CREB5: variants seen among roughly 807,000 people sequenced by gnomAD.
CREB5 encodes cyclic AMP-responsive element-binding protein 5.
Under a neutral mutation model 57.1 loss-of-function variants are expected in CREB5, and 19 were observed. The observed-to-expected ratio is 0.33, with a 90% CI of 0.23 to 0.49. CREB5 has a LOEUF of 0.49. Ranked by LOEUF, CREB5 falls within the 20% of genes least tolerant of loss-of-function variation. The pLI, the probability that CREB5 is intolerant of heterozygous loss-of-function variation, is 0.99. For synonymous variants in CREB5, 238 were observed against 238.3 expected (o/e 1.00, Z 0.01); for missense variants, 579 against 671.6 (o/e 0.86, Z 1.52).
At chr7:28,736,152 A>G (rs1288376627) in intron 7 of CREB5, among the ~76,000 whole-genome samples, 1 of 151,796 alleles carries the variant, frequency 6.6e-6, no homozygotes, top group Non-Finnish European at 1.5e-5. Flanking sequence ...ACAAAGCACT[A>G]TATGGTTTTT....
At chr7:28,765,921 G>A (rs1805947218) in intron 7 of CREB5, among the ~76,000 whole-genome samples, 1 of 152,166 alleles carries the variant, frequency 6.6e-6, no homozygotes, top group African/African-American at 2.4e-5. Flanking sequence ...TTAATATCAA[G>A]TTGTCACTGA....
intron 4 of CREB5, among the ~76,000 whole-genome samples, chr7:28,560,929 C>CGTGTGTGTGTGCGT (rs1425241012): frequency 6.6e-5 from 2 of 30,424 alleles, no homozygotes; most frequent in Admixed American, 3.4e-4. Flanking sequence ...TGTGCGCGTG[C>CGTGTGTGTGTGCGT]GTGTGTGCGT....
At chr7:28,479,063 C>T (rs1432375932) in intron 1 of CREB5, among the ~76,000 whole-genome samples, 10 of 152,204 alleles carry the variant, frequency 6.6e-5, no homozygotes, top group Admixed American at 3.3e-4. Context: ...TGGGGACGCA[C>T]TTAGTCCCTT....
intron 5 of CREB5, among the ~76,000 whole-genome samples, chr7:28,592,201 G>A (rs929422895): frequency 6.6e-6 from 1 of 152,082 alleles, no homozygotes; most frequent in Non-Finnish European, 1.5e-5. Flanking sequence ...GTTTTAATTC[G>A]GTAACCTAAT....
chr7:28,406,638 G>A (rs1356493083), intron 1 of CREB5, among the ~76,000 whole-genome samples: 3 of 152,244 alleles, frequency 2.0e-5, no homozygotes, highest in Non-Finnish European at 4.4e-5. Flanking sequence ...ACCCCAGGGG[G>A]CAAATGCCCC....
At chr7:28,662,196 G>C (rs1241229857) in intron 5 of CREB5, among the ~76,000 whole-genome samples, 4 of 152,168 alleles carry the variant, frequency 2.6e-5, no homozygotes, top group Non-Finnish European at 5.9e-5. Context: ...TGATCTAATG[G>C]GTTGAAATGG....
intron 1 of CREB5, among the ~76,000 whole-genome samples, chr7:28,468,784 T>G (rs1790691778): frequency 6.6e-6 from 1 of 152,230 alleles, no homozygotes; most frequent in African/African-American, 2.4e-5. Context: ...AGCTAGCTTC[T>G]CCTTCCATCT....
chr7:28,560,977 T>TGCGTGCGCGCGC (rs1554344547), intron 4 of CREB5, among the ~76,000 whole-genome samples: 1 of 48,990 alleles, frequency 2.0e-5, no homozygotes, highest in Admixed American at 2.6e-4. Flanking sequence ...TGTGTGCGTG[T>TGCGTGCGCGCGC]GTGCGTGCGT....
intron 1 of CREB5, among the ~76,000 whole-genome samples, chr7:28,445,626 A>C (rs1251178523): frequency 6.6e-6 from 1 of 151,144 alleles, no homozygotes; most frequent in East Asian, 2.0e-4. Flanking sequence ...ATCTCGGCTC[A>C]CTGCAAGCTC....
At chr7:28,488,390 A>G (rs1393919304) in intron 2 of CREB5, 144 bp downstream of exon 2, 1 of 638,924 alleles carries the variant, frequency 1.6e-6, no homozygotes, top group Non-Finnish European at 2.7e-6. Context: ...CAGTATCGTG[A>G]TCATCATCAT....
chr7:28,665,397 G>A (rs770845280), intron 5 of CREB5, among the ~76,000 whole-genome samples: 2 of 152,156 alleles, frequency 1.3e-5, no homozygotes, highest in Non-Finnish European at 1.5e-5. Context: ...CCCCCAAACA[G>A]TAATGAGTCC....
intron 1 of CREB5, among the ~76,000 whole-genome samples, chr7:28,312,622 C>T (rs1159635295): frequency 6.6e-6 from 1 of 152,136 alleles, no homozygotes; most frequent in Non-Finnish European, 1.5e-5. Context: ...CATCTGTAAA[C>T]ATGGGGATGG....
chr7:28,621,631 G>GAAGAGTGATAAATT (rs1554276240), intron 5 of CREB5, among the ~76,000 whole-genome samples: 3 of 152,012 alleles, frequency 2.0e-5, no homozygotes, highest in Non-Finnish European at 2.9e-5. Flanking sequence ...ATTCAACCCC[G>GAAGAGTGATAAATT]TTCATTTAAA....
intron 4 of CREB5, among the ~76,000 whole-genome samples, chr7:28,553,037 A>G (rs1256413138): frequency 6.6e-6 from 1 of 152,192 alleles, no homozygotes; most frequent in Non-Finnish European, 1.5e-5. Flanking sequence ...TCATGCCAAT[A>G]ATACACCTTC....
chr7:28,507,831 G>A, intron 4 of CREB5, 94 bp downstream of exon 4: 1 of 1,332,148 alleles, frequency 7.5e-7, no homozygotes, highest in Non-Finnish European at 9.8e-7. Flanking sequence ...GTGTTGATGT[G>A]GCCTTGAAGT....
chr7:28,376,231 C>CT (rs1406006247), intron 1 of CREB5, among the ~76,000 whole-genome samples: 3 of 150,558 alleles, frequency 2.0e-5, no homozygotes, highest in Admixed American at 2.0e-4. Flanking sequence ...GACTGCTTTC[C>CT]TTTTTGAATA....
chr7:28,574,858 A>G (rs1379027736), intron 5 of CREB5, among the ~76,000 whole-genome samples: 4 of 152,222 alleles, frequency 2.6e-5, no homozygotes, highest in East Asian at 1.9e-4. Flanking sequence ...TTTTACACCA[A>G]TTTTAATCCT....
intron 7 of CREB5, among the ~76,000 whole-genome samples, chr7:28,735,304 T>C (rs1017842776): frequency 2.6e-5 from 4 of 152,240 alleles, no homozygotes; most frequent in Admixed American, 6.5e-5. Flanking sequence ...TGTGTTTATC[T>C]AACCAAGACT....
intron 4 of CREB5, among the ~76,000 whole-genome samples, chr7:28,560,873 C>T (rs13231132): frequency 0.028 from 613 of 22,028 alleles, 82 homozygotes; most frequent in African/African-American, 0.11. Context: ...TGCCTGCGTG[C>T]GCGTGCGTGC....
Sources: gnomAD v4.1 joint callset for allele counts (sites outside exome capture counted in the v4.1 genomes callset) on GRCh38, gnomAD v4.1.1 for gene constraint, MANE v1.5 for transcripts, NCBI Gene and HGNC (gene_info 2026-07-23, HGNC 2026-07-21) for gene names.